SBF2: variants seen among roughly 807,000 people sequenced by gnomAD.
The protein encoded by SBF2 is SET binding factor 2, also known as myotubularin-related protein 13.
A neutral mutation model predicts 225.2 loss-of-function variants in SBF2; 112 were observed. That is an observed-to-expected ratio of 0.50 (90% CI 0.43 to 0.58). The LOEUF (loss-of-function observed/expected upper bound fraction) is 0.58. SBF2 is among the 20% of genes least tolerant of loss of function. The pLI, the probability that SBF2 is intolerant of heterozygous loss-of-function variation, is 0.00. For synonymous variants in SBF2, 763 were observed against 773.3 expected, an observed-to-expected ratio of 0.99 and a Z score of 0.22; for missense variants, 1,996 against 2,206.2, an observed-to-expected ratio of 0.90 and a Z score of 1.91.
At chr11:9,923,436 A>C (rs1863786011) in intron 16 of SBF2, among the ~76,000 whole-genome samples, 1 of 152,188 alleles carries the variant, frequency 6.6e-6, no homozygotes, top group South Asian at 2.1e-4. Flanking sequence ...GGGACAAATG[A>C]TACTCTACAA....
chr11:10,068,064 ATGTGTTAATGGAGAAGG>A (rs1244679476), intron 2 of SBF2, among the ~76,000 whole-genome samples: 1 of 152,200 alleles, frequency 6.6e-6, no homozygotes, highest in Non-Finnish European at 1.5e-5. Context: ...AAATGAAGCA[ATGTGTTAATGGAGAAGG>A]TCCCTCTGCT....
At chr11:10,127,583 T>C (rs887856451) in intron 2 of SBF2, among the ~76,000 whole-genome samples, 6 of 152,150 alleles carry the variant, frequency 3.9e-5, no homozygotes, top group African/African-American at 1.2e-4. Flanking sequence ...TGGTTCTCTA[T>C]CTCTATTTTC....
chr11:9,853,116 T>C (rs1379701751), intron 20 of SBF2, among the ~76,000 whole-genome samples: 1 of 152,226 alleles, frequency 6.6e-6, no homozygotes, highest in African/African-American at 2.4e-5. Flanking sequence ...CGTATGAACC[T>C]TGAAAACATT....
intron 1 of SBF2, among the ~76,000 whole-genome samples, chr11:10,291,295 G>A (rs1227630496): frequency 6.6e-6 from 1 of 152,100 alleles, no homozygotes; most frequent in Non-Finnish European, 1.5e-5. Context: ...AGACCCCAGA[G>A]AGCTCATTTG....
intron 2 of SBF2, among the ~76,000 whole-genome samples, chr11:10,133,353 G>T (rs1476600739): frequency 6.7e-6 from 1 of 149,614 alleles, no homozygotes; most frequent in African/African-American, 2.5e-5. Context: ...CGTGGAGCAG[G>T]GGGTGGTGCT....
chr11:10,296,199 C>A (rs1220341297), upstream of SBF2, among the ~76,000 whole-genome samples: 5 of 152,054 alleles, frequency 3.3e-5, no homozygotes, highest in African/African-American at 1.2e-4. Context: ...TGTTTACGGG[C>A]AGATACAGTA....
At chr11:10,173,447 T>C (rs1399337135) in intron 2 of SBF2, among the ~76,000 whole-genome samples, 2 of 152,226 alleles carry the variant, frequency 1.3e-5, no homozygotes, top group Non-Finnish European at 2.9e-5. Context: ...ACTGCGCTTT[T>C]CCGACAGGCT....
intron 6 of SBF2, among the ~76,000 whole-genome samples, chr11:10,021,138 C>T (rs976298625): frequency 3.3e-5 from 5 of 152,146 alleles, no homozygotes; most frequent in Non-Finnish European, 5.9e-5. Flanking sequence ...TTCAAAAATG[C>T]CTATTAAAGA....
chr11:10,096,424 T>TAA lies in SBF2; in HGVS notation c.142-53445_142-53444dup, dbSNP rs563258126. On this transcript the variant is annotated intron_variant, in intron 2 of 39. Coordinates refer to ENST00000256190, the MANE Select transcript of SBF2 (RefSeq NM_030962.4). ...ATTAGCCTTATAAGTCAAAGTTCTG[T>TAA]AAAAAAAAAAAAAAAAAAGTAATGA... is the stretch of plus-strand genomic sequence containing the variant. 3.8e-3 allele frequency among the ~76,000 whole-genome samples: 473 copies of TAA among 126,036 alleles called. 6 individuals carry two copies. The highest frequency in any genetic ancestry group is 0.012 in the African/African-American group (421 of 33,828). The allele number at this position is 126,036 out of a possible 152,430, so 82.7% of individuals were successfully genotyped here. A position where few individuals can be genotyped will look rare whatever the true frequency, so the allele number is the denominator to read the frequency against.
intron 2 of SBF2, among the ~76,000 whole-genome samples, chr11:10,105,850 G>A (rs1409073566): frequency 6.6e-6 from 1 of 152,194 alleles, no homozygotes; most frequent in Non-Finnish European, 1.5e-5. Context: ...CTAATGCATA[G>A]TGACAGAAAG....
chr11:9,990,912 C>T (rs1947406907), intron 12 of SBF2, among the ~76,000 whole-genome samples: 1 of 152,088 alleles, frequency 6.6e-6, no homozygotes, highest in African/African-American at 2.4e-5. Context: ...AAGGGAAAGA[C>T]CTACAAAAAT....
At chr11:10,276,718 G>A (rs1372681895) in intron 1 of SBF2, among the ~76,000 whole-genome samples, 1 of 152,112 alleles carries the variant, frequency 6.6e-6, no homozygotes, top group African/African-American at 2.4e-5. Flanking sequence ...AAGAGTCAAT[G>A]CAATAATGTG....
chr11:10,122,385 T>C (rs1175945986), intron 2 of SBF2, among the ~76,000 whole-genome samples: 1 of 152,190 alleles, frequency 6.6e-6, no homozygotes, highest in Non-Finnish European at 1.5e-5. Flanking sequence ...TTCGAACATA[T>C]ACTCCTCAGC....
chr11:10,302,941 G>C (rs1964611594), intron 1 of SBF2: 1 of 152,248 alleles, frequency 6.6e-6, no homozygotes, highest in African/African-American at 2.4e-5. Flanking sequence ...AGGCGCGCGC[G>C]GGAGAAATGA....
At chr11:10,183,883 G>C (rs756012078) in intron 2 of SBF2, among the ~76,000 whole-genome samples, 1 of 152,204 alleles carries the variant, frequency 6.6e-6, no homozygotes, top group Non-Finnish European at 1.5e-5. Flanking sequence ...AACAGACACA[G>C]AGTCATAGCT....
At chr11:10,174,886 C>T (rs1591135968) in intron 2 of SBF2, among the ~76,000 whole-genome samples, 1 of 150,352 alleles carries the variant, frequency 6.7e-6, no homozygotes, top group Non-Finnish European at 1.5e-5. Context: ...AATTTTCAAC[C>T]CAGAATTTCA....
chr11:9,922,465 C>G (rs931014869), intron 16 of SBF2, among the ~76,000 whole-genome samples: 26 of 152,074 alleles, frequency 1.7e-4, no homozygotes, highest in African/African-American at 5.6e-4. Context: ...TTACACATAT[C>G]TGCAATAAAA....
intron 7 of SBF2, among the ~76,000 whole-genome samples, chr11:10,001,652 G>C (rs531613743): frequency 5.3e-5 from 8 of 152,032 alleles, no homozygotes; most frequent in African/African-American, 1.9e-4. Flanking sequence ...AGCCTCCCCA[G>C]TAGCTGGGAC....
chr11:9,897,864 T>C (rs1325912234), intron 16 of SBF2, among the ~76,000 whole-genome samples: 1 of 152,134 alleles, frequency 6.6e-6, no homozygotes, highest in African/African-American at 2.4e-5. Flanking sequence ...TACCTATCAG[T>C]GTGGTGTTTT....
Sources: gnomAD v4.1 joint callset for allele counts (sites outside exome capture counted in the v4.1 genomes callset) on GRCh38, gnomAD v4.1.1 for gene constraint, MANE v1.5 for transcripts, NCBI Gene and HGNC (gene_info 2026-07-23, HGNC 2026-07-21) for gene names.